The following KALRN variants were observed in gnomAD, a reference collection of about 807,000 sequenced individuals.
The protein encoded by KALRN is kalirin RhoGEF kinase, also known as kalirin.
A neutral mutation model predicts 353.7 loss-of-function variants in KALRN; 70 were observed. The observed-to-expected ratio is 0.20, with a 90% CI of 0.16 to 0.24. KALRN has a LOEUF of 0.24. Ranked by LOEUF, KALRN falls within the 10% of genes least tolerant of loss-of-function variation. The pLI is 1.00. For synonymous variants in KALRN, 1,391 were observed against 1,434.8 expected, an observed-to-expected ratio of 0.97 and a Z score of 0.69; for missense variants, 2,791 against 3,756.7, an observed-to-expected ratio of 0.74 and a Z score of 6.72.
intron 1 of KALRN, among the ~76,000 whole-genome samples, chr3:124,205,548 A>G (rs1579362134): frequency 1.3e-5 from 2 of 152,318 alleles, no homozygotes. Flanking sequence ...TGGGCCTGGC[A>G]TATGGTATGA....
chr3:124,618,449 TAGG>T (rs1313328545), intron 34 of KALRN, among the ~76,000 whole-genome samples: 1 of 152,050 alleles, frequency 6.6e-6, no homozygotes, highest in Non-Finnish European at 1.5e-5. Flanking sequence ...AGTCTGCTGG[TAGG>T]AGAACAAAAC....
chr3:124,300,423 G>A (rs2077174332), intron 6 of KALRN, among the ~76,000 whole-genome samples: 1 of 152,160 alleles, frequency 6.6e-6, no homozygotes, highest in South Asian at 2.1e-4. Context: ...GCCACCCAGA[G>A]AGACCTGGGC....
chr3:124,058,905 A>C (rs933291586), intron 1 of KALRN, among the ~76,000 whole-genome samples: 1 of 152,246 alleles, frequency 6.6e-6, no homozygotes, highest in Non-Finnish European at 1.5e-5. Flanking sequence ...TAAAGTTTGA[A>C]TCTTGAAAGT....
Position 124,265,610 on chromosome 3 carries a change from C to A in KALRN, c.456+920C>A, listed in dbSNP as rs80102265. Among the ~76,000 whole-genome samples the A allele has an allele frequency of 8.5e-3, 1,293 of 151,994 alleles. 16 individuals carry two copies. Among genetic ancestry groups the A allele is most frequent in the African/African-American group, 0.029 (1,207 of 41,436 alleles). ...GCCCAGCCTAATTTAAGAAAATATTCTTAATATGAAATCTCAACAAACAAG... is the reference window on the plus strand; with the variant it reads ...GCCCAGCCTAATTTAAGAAAATATTATTAATATGAAATCTCAACAAACAAG... On this transcript the variant is annotated intron_variant, in intron 4 of 59. Transcript: ENST00000682506.
At chr3:124,053,197 G>T (rs1045006258) in intron 1 of KALRN, among the ~76,000 whole-genome samples, 1 of 152,060 alleles carries the variant, frequency 6.6e-6, no homozygotes, top group Non-Finnish European at 1.5e-5. Context: ...CCCACCTCTG[G>T]ATTTGGATTT....
intron 1 of KALRN, among the ~76,000 whole-genome samples, chr3:124,108,517 T>G (rs977873895): frequency 2.0e-5 from 3 of 152,240 alleles, no homozygotes; most frequent in African/African-American, 4.8e-5. Flanking sequence ...ATTGTACTTC[T>G]CTACATCCTT....
At chr3:124,482,738 C>A in intron 27 of KALRN, 70 bp from the exon 28 acceptor site, 1 of 1,008,048 alleles carries the variant, frequency 9.9e-7, no homozygotes, top group Non-Finnish European at 1.6e-6. Flanking sequence ...CCCTGCCTTT[C>A]TCCTCTCAGA....
chr3:124,347,790 C>T (rs1177281438), intron 10 of KALRN, among the ~76,000 whole-genome samples: 2 of 152,114 alleles, frequency 1.3e-5, no homozygotes, highest in Admixed American at 1.3e-4. Context: ...GCCATGCGCT[C>T]ACAGGGTTGA....
rs1463795827 is a variant in KALRN, at chr3:124,461,884, T to G, written c.3855-6T>G. The stretch of plus-strand genomic sequence containing the variant: ...TCCAAGTAAAAGCCCATTTGTTTCC[T>G]TCTAGATTTATTATGGCTGAACTAC... On this transcript the variant is annotated splice_region_variant and splice_polypyrimidine_tract_variant and intron_variant, in intron 23 of 59. Coordinates refer to ENST00000682506, the MANE Select transcript of KALRN (RefSeq NM_001388419.1). 6.2e-7 allele frequency: 1 copy of G among 1,610,984 alleles called. No homozygotes were observed. Among genetic ancestry groups the G allele is most frequent in the East Asian group, 2.2e-5 (1 of 44,842 alleles).
intron 1 of KALRN, among the ~76,000 whole-genome samples, chr3:124,134,496 A>G (rs1007403194): frequency 6.6e-6 from 1 of 152,212 alleles, no homozygotes; most frequent in African/African-American, 2.4e-5. Flanking sequence ...ACCCAAAAGC[A>G]AATGCAATAA....
At chr3:124,085,664 T>A (rs79831367) in intron 1 of KALRN, among the ~76,000 whole-genome samples, 3,202 of 152,310 alleles carry the variant, frequency 0.021, 109 homozygotes, top group African/African-American at 0.071. Flanking sequence ...AGGGAGCACC[T>A]CCTTTTTCAG....
chr3:124,560,233 G>C (rs79955245), intron 33 of KALRN, among the ~76,000 whole-genome samples: 2,183 of 152,356 alleles, frequency 0.014, 20 homozygotes, highest in East Asian at 0.063. Context: ...TCTGCAAAAG[G>C]ACTACACTCA....
At chr3:124,162,309 TG>T (rs2070096806) in intron 1 of KALRN, 1 of 152,158 alleles carries the variant, frequency 6.6e-6, no homozygotes, top group Admixed American at 6.5e-5. Context: ...AAGAGCTCAC[TG>T]CCTTAATGTG....
intron 3 of KALRN, 74 bp downstream of exon 3, chr3:124,235,017 C>A: frequency 9.7e-7 from 1 of 1,033,340 alleles, no homozygotes; most frequent in Non-Finnish European, 1.5e-6. Context: ...AAGGAGCCTC[C>A]ATCCCTGCCA....
rs1270456769 is a variant in KALRN, at chr3:124,668,074, AC to A, written c.6703+892del. Reference sequence around the variant, plus strand: ...CACACACACACACACACACACACACACACACACACACACACACACAACCACC... The same window carrying A: ...CACACACACACACACACACACACACAACACACACACACACACACAACCACC... On this transcript the variant is annotated intron_variant, in intron 47 of 59. Transcript: ENST00000682506. Among the ~76,000 whole-genome samples the A allele has an allele frequency of 1.4e-4, 21 of 151,478 alleles. 1 individual carries two copies. Among genetic ancestry groups the A allele is most frequent in the Middle Eastern group, 6.8e-3 (2 of 294 alleles).
intron 1 of KALRN, among the ~76,000 whole-genome samples, chr3:124,051,440 C>T (rs2041037579): frequency 6.6e-6 from 1 of 152,136 alleles, no homozygotes; most frequent in Admixed American, 6.5e-5. Context: ...GTCACTTTTG[C>T]TTTTCTCAAA....
intron 1 of KALRN, among the ~76,000 whole-genome samples, chr3:124,157,945 A>G (rs780657778): frequency 3.3e-5 from 5 of 152,098 alleles, no homozygotes; most frequent in Non-Finnish European, 5.9e-5. Flanking sequence ...ACCTGTGGGA[A>G]CCTCCTGTGA....
At chr3:124,293,749 AT>A (rs145973771) in intron 5 of KALRN, among the ~76,000 whole-genome samples, 2 of 151,972 alleles carry the variant, frequency 1.3e-5, no homozygotes, top group Non-Finnish European at 2.9e-5. Flanking sequence ...TCTTTGTAGA[AT>A]TTTTTTTGTT....
intron 46 of KALRN, 134 bp from the exon 47 acceptor site, chr3:124,666,878 T>C (rs975049025): frequency 6.6e-6 from 6 of 908,500 alleles, no homozygotes; most frequent in Non-Finnish European, 9.8e-6. Context: ...GACAAAAACC[T>C]AAGTACTGTC....
Sources: gnomAD v4.1 joint callset for allele counts (sites outside exome capture counted in the v4.1 genomes callset) on GRCh38, gnomAD v4.1.1 for gene constraint, MANE v1.5 for transcripts, NCBI Gene and HGNC (gene_info 2026-07-23, HGNC 2026-07-21) for gene names.